ALDH1L1: variants seen among roughly 807,000 people sequenced by gnomAD.
ALDH1L1 encodes aldehyde dehydrogenase 1 family member L1, also known as cytosolic 10-formyltetrahydrofolate dehydrogenase.
A neutral mutation model predicts 101.1 loss-of-function variants in ALDH1L1; 68 were observed. The ratio of observed to expected loss-of-function variants is 0.67; its 90% confidence interval spans 0.55 to 0.82. ALDH1L1 has a LOEUF of 0.82. Among genes scored for constraint, ALDH1L1 ranks in the 40% least tolerant of loss-of-function variants. The pLI, the probability that ALDH1L1 is intolerant of heterozygous loss-of-function variation, is 0.00. For synonymous variants in ALDH1L1, 486 were observed against 470.8 expected, an observed-to-expected ratio of 1.03 and a Z score of -0.42; for missense variants, 1,087 against 1,172.7, an observed-to-expected ratio of 0.93 and a Z score of 1.07.
chr3:126,154,448 G>T, intron 6 of ALDH1L1, 106 bp downstream of exon 6: 1 of 1,174,020 alleles, frequency 8.5e-7, no homozygotes, highest in Non-Finnish European at 1.3e-6. Context: ...AGGGGCCAGG[G>T]CAGTAGCTAT....
intron 1 of ALDH1L1, among the ~76,000 whole-genome samples, chr3:126,178,407 A>G (rs537019411): frequency 2.0e-5 from 3 of 151,634 alleles, no homozygotes; most frequent in East Asian, 1.9e-4. Context: ...AAAAAAAAAA[A>G]AAGAAAGGAA....
chr3:126,176,371 C>T (rs2081364704), intron 1 of ALDH1L1, among the ~76,000 whole-genome samples: 1 of 152,110 alleles, frequency 6.6e-6, no homozygotes, highest in Admixed American at 6.5e-5. Context: ...CTGGGATAGT[C>T]AACACAATAT....
chr3:126,154,465 T>A (rs1437132273), intron 6 of ALDH1L1, 89 bp downstream of exon 6: 2 of 1,338,714 alleles, frequency 1.5e-6, no homozygotes, highest in African/African-American at 2.9e-5. Context: ...CTATTTATTA[T>A]ACCAACCAGT....
chr3:126,139,181 G>A (rs368878248), intron 9 of ALDH1L1, among the ~76,000 whole-genome samples: 1 of 152,240 alleles, frequency 6.6e-6, no homozygotes, highest in African/African-American at 2.4e-5. Context: ...GGCAGTCATT[G>A]TTTCAACCCT....
chr3:126,193,123 G>A (rs115976098), intron 1 of ALDH1L1, among the ~76,000 whole-genome samples: 6,343 of 152,284 alleles, frequency 0.042, 192 homozygotes, highest in Non-Finnish European at 0.054. Flanking sequence ...TACCTACTAA[G>A]TTAGGTTACA....
At chr3:126,158,753 C>A in intron 2 of ALDH1L1, 114 bp from the exon 3 acceptor site, 1 of 972,250 alleles carries the variant, frequency 1.0e-6, no homozygotes, top group Non-Finnish European at 1.5e-6. Flanking sequence ...TGCCCCCTCA[C>A]CCACACCCCA....
rs2080942060 is a variant in ALDH1L1, at chr3:126,157,630, A to G, written c.363-122T>C. 7 of 1,091,496 alleles carry G rather than the reference A, an allele frequency of 6.4e-6. No homozygotes were observed. The Admixed American group carries it at 1.4e-4, about 22-fold the overall frequency. 67.6% of individuals were successfully genotyped at this position (1,091,496 alleles called of 1,614,324 possible). A position where few individuals can be genotyped will look rare whatever the true frequency, so the allele number is the denominator to read the frequency against. On this transcript the variant is annotated intron_variant, in intron 3 of 22. Coordinates refer to ENST00000393434, the MANE Select transcript of ALDH1L1 (RefSeq NM_012190.4). Reference sequence around the variant, plus strand: ...CTCTCTTCCCAGGGGTAGGACTGACACCGGCTCCGGCGGGAAACGGAAGAA... The same window carrying G: ...CTCTCTTCCCAGGGGTAGGACTGACGCCGGCTCCGGCGGGAAACGGAAGAA...
intron 7 of ALDH1L1, 168 bp from the exon 8 acceptor site, chr3:126,150,699 G>T (rs949711871): frequency 8.3e-6 from 6 of 721,964 alleles, no homozygotes; most frequent in Non-Finnish European, 1.2e-5. Context: ...GGGATTACAG[G>T]CGCGCACCAC....
At position 126,109,961 on chromosome 3, in the gene ALDH1L1, T is replaced by A. The variant is rs201592037; in HGVS notation, c.2330A>T (p.Asn777Ile). Residue 777 changes from asparagine to isoleucine, a missense_variant, in exon 20 of 23, where the codon AAT becomes ATT. Asn to Ile is a moderately radical substitution (Grantham distance 149). Around this residue, in one of 2 missense-constraint regions of ALDH1L1, gnomAD observed 442 missense variants for 535.7 expected, o/e 0.83. Coordinates refer to ENST00000393434, the MANE Select transcript of ALDH1L1 (RefSeq NM_012190.4). The stretch of plus-strand genomic sequence containing the variant: ...TGACTCACCTGGCCGAGGGACCTGA[T>A]TCCCGCCGCAGACCAGTGTGGCCCC... Reference protein sequence around the residue: ...KEGATLVCGGNQVPRPGFFFE... With the variant: ...KEGATLVCGGIQVPRPGFFFE... 28 of 1,613,926 alleles carry A rather than the reference T, an allele frequency of 1.7e-5. No homozygotes were observed. The South Asian group carries it at 2.9e-4, about 16-fold the overall frequency.
intron 3 of ALDH1L1, among the ~76,000 whole-genome samples, 166 bp downstream of exon 3, chr3:126,158,239 G>A (rs886333257): frequency 2.0e-5 from 3 of 152,180 alleles, no homozygotes; most frequent in African/African-American, 4.8e-5. Flanking sequence ...CATTGATAAC[G>A]TTGCACAGCC....
chr3:126,139,764 A>G (rs952082591), intron 9 of ALDH1L1, among the ~76,000 whole-genome samples: 2 of 152,222 alleles, frequency 1.3e-5, no homozygotes, highest in Non-Finnish European at 2.9e-5. Context: ...GGCAAGTAGA[A>G]TAACTGAAAC....
At chr3:126,146,009 A>T (rs1265386574) in intron 9 of ALDH1L1, among the ~76,000 whole-genome samples, 2 of 152,102 alleles carry the variant, frequency 1.3e-5, no homozygotes, top group Non-Finnish European at 2.9e-5. Flanking sequence ...CAATTATTAC[A>T]AACTGCATAC....
chr3:126,186,629 G>A (rs2081520376), intron 1 of ALDH1L1, among the ~76,000 whole-genome samples: 1 of 151,974 alleles, frequency 6.6e-6, no homozygotes, highest in Admixed American at 6.5e-5. Context: ...GAGCAGGGAA[G>A]ACCCAGCTCC....
intron 17 of ALDH1L1, among the ~76,000 whole-genome samples, chr3:126,117,443 C>A (rs554067820): frequency 6.6e-6 from 1 of 151,238 alleles, no homozygotes; most frequent in South Asian, 2.1e-4. Context: ...TTGCTTGAGC[C>A]CAGGAGTTTG....
intron 12 of ALDH1L1, among the ~76,000 whole-genome samples, chr3:126,133,758 T>C (rs1189021770): frequency 6.6e-6 from 1 of 152,202 alleles, no homozygotes; most frequent in Admixed American, 6.5e-5. Flanking sequence ...GCAGGGCAGA[T>C]GCAGGGGTGC....
At position 126,136,899 on chromosome 3, in the gene ALDH1L1, C is replaced by CA; in HGVS notation, c.1225-17dup. 2 of 1,613,328 alleles carry CA rather than the reference C, an allele frequency of 1.2e-6. No individual in the cohort carries two copies. Among genetic ancestry groups the CA allele is most frequent in the Non-Finnish European group, 1.7e-6 (2 of 1,179,756 alleles). On this transcript the variant is annotated splice_polypyrimidine_tract_variant and intron_variant, in intron 10 of 22. Coordinates refer to ENST00000393434, the MANE Select transcript of ALDH1L1 (RefSeq NM_012190.4). ...CCATTTCCACCTGAAAGAAAGGCCC[C>CA]AGTGACAAGCACAAACCCATGCAGG...
rs535759770 is a variant in ALDH1L1 at position 126,130,789 on chromosome 3, C to A, written c.1624-496G>T. Among the ~76,000 whole-genome samples the A allele has an allele frequency of 3.6e-4, 55 of 152,322 alleles. No individual in the cohort carries two copies. The South Asian group carries it at 0.011, about 30-fold the overall frequency. The stretch of plus-strand genomic sequence containing the variant: ...ACGCCATGAGTCCTGCAGAGGTGGA[C>A]CTCCCCAGGGAGCCTCTACAAATGG... On this transcript the variant is annotated intron_variant, in intron 13 of 22. Transcript: ENST00000393434.
At chr3:126,131,693 A>G (rs1197846193) in intron 12 of ALDH1L1, among the ~76,000 whole-genome samples, 159 bp from the exon 13 acceptor site, 1 of 152,240 alleles carries the variant, frequency 6.6e-6, no homozygotes. Context: ...GCAATGGGCC[A>G]GCACCGTTTA....
In ALDH1L1 at chr3:126,190,515, A is replaced by C. The variant is rs1355381530; in HGVS notation, c.-24+7220T>G. Among the ~76,000 whole-genome samples, 3 of 152,288 alleles carry C rather than the reference A, an allele frequency of 2.0e-5. No individual in the cohort carries two copies. In the East Asian group the frequency reaches 5.8e-4, roughly 29 times the overall value. On this transcript the variant is annotated intron_variant, in intron 1 of 2. Coordinates refer to the ALDH1L1 transcript ENST00000509952. ...CTGAATTTACGTGTTTTCAGATACC[A>C]ATTTTGTTTTTCCAAATTGGTGCAC...
Sources: allele counts gnomAD v4.1 joint callset (sites outside exome capture counted in the v4.1 genomes callset), GRCh38; gene constraint gnomAD v4.1.1; regional missense constraint gnomAD v4.1.1; transcripts MANE v1.5; gene names NCBI Gene and HGNC (gene_info 2026-07-23, HGNC 2026-07-21).